CFAP299: variants seen among roughly 807,000 people sequenced by gnomAD.
CFAP299 encodes cilia- and flagella-associated protein 299.
A neutral mutation model predicts 27.0 loss-of-function variants in CFAP299; 21 were observed. The ratio of observed to expected loss-of-function variants is 0.78; its 90% CI spans 0.55 to 1.12. The LOEUF (loss-of-function observed/expected upper bound fraction) is 1.12, where lower values mean the gene tolerates loss of function less well. Ranked by LOEUF, CFAP299 falls within the 50% of genes most tolerant of loss-of-function variation. CFAP299 has a pLI of 0.00. For synonymous variants in CFAP299, 104 were observed against 98.1 expected, an observed-to-expected ratio of 1.06 and a Z score of -0.36; for missense variants, 310 against 276.6, an observed-to-expected ratio of 1.12 and a Z score of -0.86.
intron 3 of CFAP299, among the ~76,000 whole-genome samples, chr4:80,645,126 A>G (rs1259722504): frequency 6.6e-6 from 1 of 152,098 alleles, no homozygotes; most frequent in Non-Finnish European, 1.5e-5. Context: ...TTCTCAGGCT[A>G]AACTCCTGGT....
chr4:80,955,063 T>A (rs111748679), intron 5 of CFAP299, among the ~76,000 whole-genome samples: 1 of 132,828 alleles, frequency 7.5e-6, no homozygotes, highest in Non-Finnish European at 1.6e-5. Flanking sequence ...CAGAGTAGTA[T>A]AATTGTATTT....
chr4:80,673,766 G>C (rs972412941), intron 3 of CFAP299, among the ~76,000 whole-genome samples: 3 of 151,150 alleles, frequency 2.0e-5, no homozygotes, highest in Admixed American at 6.6e-5. Flanking sequence ...TTACCATCAT[G>C]TAATGGCCTT....
At chr4:80,938,642 G>C (rs1300746591) in intron 4 of CFAP299, among the ~76,000 whole-genome samples, 1 of 152,188 alleles carries the variant, frequency 6.6e-6, no homozygotes, top group Non-Finnish European at 1.5e-5. Flanking sequence ...TTCTGTGTGT[G>C]TGTCTTTAAT....
intron 2 of CFAP299, among the ~76,000 whole-genome samples, chr4:80,378,822 A>C (rs1256774700): frequency 6.6e-6 from 1 of 152,080 alleles, no homozygotes; most frequent in African/African-American, 2.4e-5. Context: ...TATTTTGTTG[A>C]GAATTTTTAC....
intron 3 of CFAP299, among the ~76,000 whole-genome samples, chr4:80,854,784 T>C (rs561250408): frequency 6.8e-6 from 1 of 148,076 alleles, no homozygotes; most frequent in South Asian, 2.2e-4. Flanking sequence ...TAGTTTCTTT[T>C]TCTAGCCAAA....
At chr4:80,761,286 T>A (rs1725529266) in intron 3 of CFAP299, among the ~76,000 whole-genome samples, 1 of 152,132 alleles carries the variant, frequency 6.6e-6, no homozygotes, top group Non-Finnish European at 1.5e-5. Context: ...AAAACTTTCT[T>A]TCCTCCTAGT....
intron 2 of CFAP299, among the ~76,000 whole-genome samples, chr4:80,433,660 T>G (rs1465126951): frequency 6.6e-6 from 1 of 152,074 alleles, no homozygotes; most frequent in Non-Finnish European, 1.5e-5. Context: ...AAGTATGGAG[T>G]ATTTGGCTAC....
intron 2 of CFAP299, among the ~76,000 whole-genome samples, chr4:80,371,019 T>C (rs571807168): frequency 1.0e-3 from 156 of 152,356 alleles, no homozygotes; most frequent in African/African-American, 3.6e-3. Flanking sequence ...CATCCAGGCT[T>C]TTTCATATAT....
chr4:80,743,619 G>C (rs556816951), intron 3 of CFAP299, among the ~76,000 whole-genome samples: 8 of 152,116 alleles, frequency 5.3e-5, no homozygotes, highest in Non-Finnish European at 1.2e-4. Flanking sequence ...TGGTATTTGA[G>C]AATGAGTAGA....
intron 4 of CFAP299, among the ~76,000 whole-genome samples, chr4:80,924,700 T>G (rs1333471037): frequency 6.6e-6 from 1 of 151,408 alleles, no homozygotes; most frequent in Non-Finnish European, 1.5e-5. Flanking sequence ...ATAACTTGTA[T>G]TTTCACAAGC....
intron 3 of CFAP299, among the ~76,000 whole-genome samples, chr4:80,817,427 T>C (rs921819335): frequency 6.6e-6 from 1 of 152,118 alleles, no homozygotes; most frequent in Non-Finnish European, 1.5e-5. Flanking sequence ...TATGAATACA[T>C]TAAAGTTACA....
chr4:80,435,072 A>T (rs558659338), intron 2 of CFAP299, among the ~76,000 whole-genome samples: 2 of 152,222 alleles, frequency 1.3e-5, no homozygotes, highest in Non-Finnish European at 2.9e-5. Context: ...GGTTAGCAAC[A>T]TAATTTCACA....
At chr4:80,601,127 A>T (rs1737326375) in intron 3 of CFAP299, among the ~76,000 whole-genome samples, 1 of 152,200 alleles carries the variant, frequency 6.6e-6, no homozygotes, top group Admixed American at 6.5e-5. Context: ...TAAAAGTTTT[A>T]TAGCTTTTAG....
intron 3 of CFAP299, among the ~76,000 whole-genome samples, chr4:80,748,061 A>G (rs1724721604): frequency 1.3e-5 from 2 of 152,014 alleles, no homozygotes; most frequent in East Asian, 1.9e-4. Context: ...CAACTCTCCA[A>G]TGTTGTCTAG....
chr4:80,957,374 GTTTTT>G lies in CFAP299; in HGVS notation c.607-6142_607-6138del, dbSNP rs1320647342. Among the ~76,000 whole-genome samples, 5 of 152,078 alleles carry G rather than the reference GTTTTT, an allele frequency of 3.3e-5. 1 individual carries two copies. Among genetic ancestry groups the G allele is most frequent in the Admixed American group, 3.3e-4 (5 of 15,262 alleles). ...CTGTTGCTGTTGTGTATGTGTAACG[GTTTTT>G]AGCACTCTTTTTATACATTATTAAG... is the stretch of plus-strand genomic sequence containing the variant. On this transcript the variant is annotated intron_variant, in intron 5 of 5. Coordinates refer to ENST00000358105, the MANE Select transcript of CFAP299 (RefSeq NM_152770.3).
At chr4:80,333,621 G>A (rs537159292), upstream of CFAP299, among the ~76,000 whole-genome samples, 18 of 152,136 alleles carry the variant, frequency 1.2e-4, no homozygotes, top group East Asian at 3.9e-4. Context: ...CTTCCACCAA[G>A]TAAGTACCTT....
chr4:80,585,180 T>C (rs1430427624), intron 3 of CFAP299, among the ~76,000 whole-genome samples: 1 of 152,048 alleles, frequency 6.6e-6, no homozygotes, highest in African/African-American at 2.4e-5. Context: ...TGATAGGATA[T>C]AGTTAAGGAA....
intron 3 of CFAP299, chr4:80,649,037 G>A (rs1740165579): frequency 6.6e-6 from 1 of 152,128 alleles, no homozygotes. Context: ...CCTAGAAAGT[G>A]CGGTTTAAAC....
chr4:80,916,148 G>T (rs1286936212), intron 4 of CFAP299, among the ~76,000 whole-genome samples: 3 of 149,762 alleles, frequency 2.0e-5, no homozygotes, highest in South Asian at 2.1e-4. Context: ...TGTAATCCTA[G>T]CTATTCAAGA....
Sources: allele counts gnomAD v4.1 joint callset (sites outside exome capture counted in the v4.1 genomes callset), GRCh38; gene constraint gnomAD v4.1.1; transcripts MANE v1.5; gene names NCBI Gene and HGNC (gene_info 2026-07-23, HGNC 2026-07-21).